BRIP1: variants seen among roughly 807,000 people sequenced by gnomAD.
The protein encoded by BRIP1 is Fanconi anemia group J protein.
A neutral mutation model predicts 119.7 loss-of-function variants in BRIP1; 88 were observed. The observed-to-expected ratio is 0.74, with a 90% CI of 0.62 to 0.88. BRIP1 has a LOEUF of 0.88. Among genes scored for constraint, BRIP1 ranks in the 40% least tolerant of loss-of-function variants. The probability of loss-of-function intolerance (pLI) is 0.00; values close to 1 mark genes in which losing one functional copy is unlikely to be tolerated. For missense variants in BRIP1, 1,259 were observed against 1,455.4 expected, an observed-to-expected ratio of 0.87 and a Z score of 2.20; for synonymous variants, 443 against 496.5, an observed-to-expected ratio of 0.89 and a Z score of 1.43.
In BRIP1 at chr17:61,809,946, A is replaced by G. The variant is rs1052391574; in HGVS notation, c.628-1189T>C. 2.0e-5 allele frequency among the ~76,000 whole-genome samples: 3 copies of G among 152,208 alleles called. No homozygotes were observed. The highest frequency in any genetic ancestry group is 2.9e-5 in the Non-Finnish European group (2 of 68,036). ...TCAACTCAGTGGAAAAGCAAGTTCA[A>G]ATTACTCCCAGTCTCACTCAACCTT... is the stretch of plus-strand genomic sequence containing the variant. On this transcript the variant is annotated intron_variant, in intron 6 of 19. Coordinates refer to ENST00000259008, the MANE Select transcript of BRIP1 (RefSeq NM_032043.3). The surrounding 1 kb of genome is among the most constrained non-coding windows in gnomAD (Gnocchi z 5.2).
intron 17 of BRIP1, among the ~76,000 whole-genome samples, chr17:61,696,074 A>G (rs2061514974): frequency 1.3e-5 from 2 of 152,164 alleles, no homozygotes; most frequent in African/African-American, 4.8e-5. Flanking sequence ...CAGTCTTTTA[A>G]GATTAAGTAT....
intron 9 of BRIP1, among the ~76,000 whole-genome samples, chr17:61,797,778 T>A (rs991809090): frequency 6.6e-6 from 1 of 151,922 alleles, no homozygotes; most frequent in African/African-American, 2.4e-5. Context: ...GACAGAGATG[T>A]CAACAGGCAG....
chr17:61,785,587 C>T (rs2077693374), intron 10 of BRIP1, among the ~76,000 whole-genome samples: 2 of 151,862 alleles, frequency 1.3e-5, no homozygotes, highest in Non-Finnish European at 2.9e-5. Context: ...TTACAGAATA[C>T]AAATAAGTAG....
At chr17:61,817,662 C>T (rs1026926118) in intron 6 of BRIP1, among the ~76,000 whole-genome samples, 4 of 152,182 alleles carry the variant, frequency 2.6e-5, no homozygotes, top group Non-Finnish European at 5.9e-5. Flanking sequence ...GTAATTAGTA[C>T]AACTAACTGA....
In BRIP1 at chr17:61,848,291, T is replaced by C. The variant is rs9915965; in HGVS notation, c.507+838A>G. 0.39 allele frequency among the ~76,000 whole-genome samples: 59,967 copies of C among 151,966 alleles called. 12,401 individuals carry two copies. Among genetic ancestry groups the C allele is most frequent in the African/African-American group, 0.49 (20,377 of 41,422 alleles). On this transcript the variant is annotated intron_variant, in intron 5 of 19. Coordinates refer to ENST00000259008, the MANE Select transcript of BRIP1 (RefSeq NM_032043.3). The surrounding 1 kb of genome is among the most constrained non-coding windows in gnomAD (Gnocchi z 4.3). ...CTCCTAGGCTTGAGCAATCCTCCTA[T>C]CTCAGCCTCCCAAGTAGCTGGAAAG...
chr17:61,793,793 C>T lies in BRIP1; in HGVS notation c.1341-64G>A. The T allele has an allele frequency of 1.3e-6, 2 of 1,509,764 alleles. No individual in the cohort carries two copies. Among genetic ancestry groups the T allele is most frequent in the Non-Finnish European group, 1.8e-6 (2 of 1,108,618 alleles). The allele number at this position is 1,509,764 out of a possible 1,614,324, so 93.5% of individuals were successfully genotyped here. Reference sequence around the variant, plus strand: ...CCTTACACACACTATTTCAGCAGAACAAGAGAATCATCATTATTGTCATGC... The same window carrying T: ...CCTTACACACACTATTTCAGCAGAATAAGAGAATCATCATTATTGTCATGC... On this transcript the variant is annotated intron_variant, in intron 9 of 19. Coordinates refer to ENST00000259008, the MANE Select transcript of BRIP1 (RefSeq NM_032043.3). The surrounding 1 kb of genome is among the most constrained non-coding windows in gnomAD (Gnocchi z 5.2).
In BRIP1 at chr17:61,686,013, C is replaced by T. The variant is rs1007808618; in HGVS notation, c.2728G>A (p.Glu910Lys). ...GTACTGTACTTTAAAGAGGTCACTT[C>T]AAGTGTAGACTCATTGTCCTGTATA... ...TNIQDNESTLEVTSLKYSTSP... is the reference protein window; with the variant it reads ...TNIQDNESTLKVTSLKYSTSP... The change falls in exon 19 of 20, where the codon GAA becomes AAA. Residue 910 changes from glutamate (E) to lysine (K), a missense_variant. Around this residue, in one of 3 missense-constraint regions of BRIP1, gnomAD observed 753 missense variants for 891.8 expected, o/e 0.84. Coordinates refer to ENST00000259008, the MANE Select transcript of BRIP1 (RefSeq NM_032043.3). The surrounding 1 kb of genome is among the most constrained non-coding windows in gnomAD (Gnocchi z 5.4). 1.2e-6 allele frequency: 2 copies of T among 1,613,900 alleles called. No homozygotes were observed. The highest frequency in any genetic ancestry group is 1.7e-6 in the Non-Finnish European group (2 of 1,179,940).
chr17:61,838,794 C>CATA lies in BRIP1; in HGVS notation c.627+8304_627+8306dup, dbSNP rs1454903635. On this transcript the variant is annotated intron_variant, in intron 6 of 19. Coordinates refer to ENST00000259008, the MANE Select transcript of BRIP1 (RefSeq NM_032043.3). The stretch of plus-strand genomic sequence containing the variant: ...TAAAAAAATATAAAAAAAAGTGAGG[C>CATA]ATATGATCTGTCAGCATAAGAAAAG... Among the ~76,000 whole-genome samples, 3 of 151,542 alleles carry CATA rather than the reference C, an allele frequency of 2.0e-5. No homozygotes were observed. In the East Asian group the frequency reaches 5.8e-4, roughly 29 times the overall value.
chr17:61,830,236 G>C (rs1336379100), intron 6 of BRIP1, among the ~76,000 whole-genome samples: 4 of 149,306 alleles, frequency 2.7e-5, no homozygotes, highest in Admixed American at 6.7e-5. Context: ...GCCTGGCCAA[G>C]TTTCAATCTT....
chr17:61,769,853 G>A lies in BRIP1; in HGVS notation c.2097+6548C>T, dbSNP rs1323849042. ...TAAAAGATAATATTGATGAATTGCT[G>A]GAGATAAAATGTGAACTAGTTTATA... On this transcript the variant is annotated intron_variant, in intron 14 of 19. Transcript: ENST00000259008. This position sits in a 1 kb window ranked among gnomAD's most constrained non-coding sequence, Gnocchi z 4.9. Among the ~76,000 whole-genome samples, 2 of 152,136 alleles carry A rather than the reference G, an allele frequency of 1.3e-5. No individual in the cohort carries two copies. The highest frequency in any genetic ancestry group is 2.9e-5 in the Non-Finnish European group (2 of 68,032).
At chr17:61,838,546 AAAATAAATAAAT>A (rs71153410) in intron 6 of BRIP1, among the ~76,000 whole-genome samples, 3,787 of 140,918 alleles carry the variant, frequency 0.027, 99 homozygotes, top group African/African-American at 0.073. Flanking sequence ...TCCCTCTCAA[AAAATAAATAAAT>A]AAATAAATAA....
In BRIP1 at chr17:61,793,603, A is replaced by C. The variant is rs587780230; in HGVS notation, c.1467T>G (p.Ile489Met). Reference protein sequence around the residue: ...KMGITTATFPILQGHFSAVLQ... With the variant: ...KMGITTATFPMLQGHFSAVLQ... ...GGTAGAAAAAATATCTTACCTGCAAAATGGGAAAAGTAGCAGTGGTGATAC... is the reference window on the plus strand; with the variant it reads ...GGTAGAAAAAATATCTTACCTGCAACATGGGAAAAGTAGCAGTGGTGATAC... Residue 489 changes from isoleucine (I) to methionine (M), a missense_variant, in exon 10 of 20, where the codon ATT (isoleucine) becomes ATG (methionine). By Grantham distance (10) the Ile-to-Met change is conservative. Transcript: ENST00000259008. This position sits in a 1 kb window ranked among gnomAD's most constrained non-coding sequence, Gnocchi z 5.2. 84 of 1,605,362 alleles carry C rather than the reference A, an allele frequency of 5.2e-5. No individual in the cohort carries two copies. The highest frequency in any genetic ancestry group is 7.1e-5 in the Non-Finnish European group (83 of 1,175,494).
chr17:61,765,108 T>C (rs760429224), intron 14 of BRIP1, among the ~76,000 whole-genome samples: 1 of 151,726 alleles, frequency 6.6e-6, no homozygotes, highest in Non-Finnish European at 1.5e-5. Flanking sequence ...AACTTGATAC[T>C]TGGACTTCTT....
chr17:61,731,847 T>C (rs951772002), intron 16 of BRIP1, among the ~76,000 whole-genome samples: 6 of 151,284 alleles, frequency 4.0e-5, no homozygotes, highest in African/African-American at 1.5e-4. Context: ...CAAGGGGCTA[T>C]AAACTGTGTT....
chr17:61,747,904 T>TTC (rs1021700856), intron 14 of BRIP1, among the ~76,000 whole-genome samples: 42 of 146,490 alleles, frequency 2.9e-4, no homozygotes, highest in Non-Finnish European at 4.8e-4. Flanking sequence ...CCCTGGTAAT[T>TTC]TTTTTTTTTT....
rs1417510135 is a variant in BRIP1, at chr17:61,759,503, A to C, written c.2098-14912T>G. Among the ~76,000 whole-genome samples, 2 of 152,146 alleles carry C rather than the reference A, an allele frequency of 1.3e-5. No individual in the cohort carries two copies. Among genetic ancestry groups the C allele is most frequent in the Non-Finnish European group, 2.9e-5 (2 of 67,994 alleles). On this transcript the variant is annotated intron_variant, in intron 14 of 19. Coordinates refer to ENST00000259008, the MANE Select transcript of BRIP1 (RefSeq NM_032043.3). This position sits in a 1 kb window ranked among gnomAD's most constrained non-coding sequence, Gnocchi z 4.9. The stretch of plus-strand genomic sequence containing the variant: ...GAGACATTGATACCCCACTTTCAAC[A>C]ATGAACAAATCATCCAGACAGAAAA...
Position 61,679,233 on chromosome 17 carries a change from G to T in BRIP1, c.*4063C>A, listed in dbSNP as rs1323867818. On this transcript the variant is annotated 3_prime_UTR_variant, in exon 20 of 20. Transcript: ENST00000259008. This position sits in a 1 kb window ranked among gnomAD's most constrained non-coding sequence, Gnocchi z 4.4. ...AGCTTTTTGTTAAAATTAATGTTTT[G>T]AATAGAAAGATCTTAACAACAAAGC... Among the ~76,000 whole-genome samples, 1 of 152,140 alleles carries T rather than the reference G, an allele frequency of 6.6e-6. No homozygotes were observed. Among genetic ancestry groups the T allele is most frequent in the Admixed American group, 6.5e-5 (1 of 15,274 alleles).
chr17:61,747,195 G>A (rs2077069122), intron 14 of BRIP1, among the ~76,000 whole-genome samples: 1 of 151,902 alleles, frequency 6.6e-6, no homozygotes, highest in Non-Finnish European at 1.5e-5. Flanking sequence ...AGTACTAAGA[G>A]GAAAGTTTAT....
At position 61,784,278 on chromosome 17, in the gene BRIP1, T is replaced by C. The variant is rs2145135063; in HGVS notation, c.1620A>G (p.Gln540=). 1 of 1,612,598 alleles carries C rather than the reference T, an allele frequency of 6.2e-7. No homozygotes were observed. Among genetic ancestry groups the C allele is most frequent in the African/African-American group, 1.3e-5 (1 of 75,022 alleles). ...LFMVLDYLFR[Q]NSRFADDYKI... is the part of the protein sequence containing the mutation. ...TAGTTATCTTCACTTACCTGCTATT[T>C]TGCCTAAAAAGATAGTCAAGTACCA... is the stretch of plus-strand genomic sequence containing the variant. The change falls in exon 11 of 20, where the codon CAA becomes CAG. Residue 540 remains glutamine, a synonymous_variant. Transcript: ENST00000259008.
Sources: allele counts gnomAD v4.1 joint callset (sites outside exome capture counted in the v4.1 genomes callset), GRCh38; gene constraint gnomAD v4.1.1; regional missense constraint gnomAD v4.1.1; non-coding constraint Gnocchi (gnomAD v3.1); transcripts MANE v1.5; gene names NCBI Gene and HGNC (gene_info 2026-07-23, HGNC 2026-07-21).